Variants in NRG3 observed in about 807,000 individuals in gnomAD.
NRG3 encodes neuregulin 3, also known as pro-neuregulin-3, membrane-bound isoform.
Under a neutral mutation model 66.9 loss-of-function variants are expected in NRG3, and 31 were observed. The ratio of observed to expected loss-of-function variants is 0.46; its 90% CI spans 0.35 to 0.63. NRG3 has a LOEUF of 0.63. Ranked by LOEUF, NRG3 falls within the 20% of genes least tolerant of loss-of-function variation. The pLI is 0.00. For missense variants in NRG3, 910 were observed against 878.9 expected (o/e 1.04, Z -0.45); for synonymous variants, 393 against 359.4 (o/e 1.09, Z -1.06).
chr10:82,296,783 T>A (rs2080088787), intron 1 of NRG3, among the ~76,000 whole-genome samples: 1 of 152,308 alleles, frequency 6.6e-6, no homozygotes, highest in South Asian at 2.1e-4. Context: ...TATGTATTTT[T>A]TTTTTTTAGA....
At chr10:82,445,797 C>T (rs892758390) in intron 2 of NRG3, among the ~76,000 whole-genome samples, 1 of 152,252 alleles carries the variant, frequency 6.6e-6, no homozygotes, top group East Asian at 1.9e-4. Context: ...ATTTCATTCT[C>T]CAGAAGGCCA....
At chr10:82,909,129 A>G (rs1845070337) in intron 4 of NRG3, among the ~76,000 whole-genome samples, 1 of 152,252 alleles carries the variant, frequency 6.6e-6, no homozygotes, top group African/African-American at 2.4e-5. Context: ...ACAGATGGCC[A>G]GAAACCATGC....
At chr10:82,721,747 A>G (rs531723835) in intron 2 of NRG3, among the ~76,000 whole-genome samples, 1 of 152,256 alleles carries the variant, frequency 6.6e-6, no homozygotes, top group South Asian at 2.1e-4. Context: ...TAAAAGGTCA[A>G]CAATTTTATG....
At position 81,875,203 on chromosome 10, in the gene NRG3, TGCGGCCGCC is replaced by T. The variant is rs1300139403; in HGVS notation, c.-129_-121del. 3.7e-5 allele frequency: 11 copies of T among 300,742 alleles called. No homozygotes were observed. The highest frequency in any genetic ancestry group is 1.3e-4 in the South Asian group (1 of 7,686). The allele number at this position is 300,742 out of a possible 1,614,324, so 18.6% of individuals were successfully genotyped here. A position where few individuals can be genotyped will look rare whatever the true frequency, so the allele number is the denominator to read the frequency against. On this transcript the variant is annotated 5_prime_UTR_variant, in exon 1 of 9. Coordinates refer to ENST00000372141, the MANE Select transcript of NRG3 (RefSeq NM_001010848.4). This position sits in a 1 kb window ranked among gnomAD's most constrained non-coding sequence, Gnocchi z 5.3. ...CGTGGGGGCAGGGAGCGGATTTGCA[TGCGGCCGCC>T]GCGGCCGCTGCCTGCGCCCGAGCCC... is the stretch of plus-strand genomic sequence containing the variant.
chr10:82,198,792 T>A (rs1412520128), intron 1 of NRG3, among the ~76,000 whole-genome samples: 1 of 151,956 alleles, frequency 6.6e-6, no homozygotes, highest in Non-Finnish European at 1.5e-5. Flanking sequence ...AGGTCAGAAG[T>A]TCGAGACCAG....
Position 81,969,399 on chromosome 10 carries a change from C to T in NRG3, c.823+93236C>T, listed in dbSNP as rs190236779. On this transcript the variant is annotated intron_variant, in intron 1 of 8. Coordinates refer to ENST00000372141, the MANE Select transcript of NRG3 (RefSeq NM_001010848.4). ...AAATCAATAGGTCCCCTGTGCCTTC[C>T]GGCACACTCACACACTGACACAACC... 4.4e-3 allele frequency among the ~76,000 whole-genome samples: 668 copies of T among 152,322 alleles called. 4 individuals carry two copies. The highest frequency in any genetic ancestry group is 0.015 in the African/African-American group (629 of 41,576).
intron 2 of NRG3, among the ~76,000 whole-genome samples, chr10:82,563,456 T>A (rs1314154730): frequency 6.6e-6 from 1 of 152,084 alleles, no homozygotes; most frequent in Non-Finnish European, 1.5e-5. Flanking sequence ...ATATGGCTAT[T>A]TCTACCTCTG....
intron 2 of NRG3, among the ~76,000 whole-genome samples, chr10:82,463,004 T>C (rs1564950350): frequency 6.6e-6 from 1 of 152,214 alleles, no homozygotes; most frequent in Non-Finnish European, 1.5e-5. Context: ...CTTCATTATC[T>C]GTCCACCTAC....
intron 3 of NRG3, among the ~76,000 whole-genome samples, chr10:82,786,240 T>G (rs1372624444): frequency 1.3e-5 from 2 of 152,088 alleles, no homozygotes; most frequent in Non-Finnish European, 2.9e-5. Flanking sequence ...CTCTAACCCA[T>G]TAGTGCTGCT....
At chr10:82,629,959 G>A (rs2049701246) in intron 2 of NRG3, among the ~76,000 whole-genome samples, 1 of 152,118 alleles carries the variant, frequency 6.6e-6, no homozygotes, top group Non-Finnish European at 1.5e-5. Context: ...TCCCAATGAA[G>A]ATGTGATTTT....
intron 1 of NRG3, among the ~76,000 whole-genome samples, chr10:82,080,098 G>T (rs1448893602): frequency 6.6e-6 from 1 of 152,144 alleles, no homozygotes; most frequent in Non-Finnish European, 1.5e-5. Context: ...TTGAAGAATG[G>T]CATGGACTTT....
At chr10:82,258,547 C>G (rs1343889118) in intron 1 of NRG3, among the ~76,000 whole-genome samples, 1 of 152,062 alleles carries the variant, frequency 6.6e-6, no homozygotes, top group Admixed American at 6.6e-5. Flanking sequence ...GCACAAAGGC[C>G]GTAGTGCAGC....
At chr10:82,073,583 T>C (rs2064925643) in intron 1 of NRG3, among the ~76,000 whole-genome samples, 1 of 152,180 alleles carries the variant, frequency 6.6e-6, no homozygotes, top group Non-Finnish European at 1.5e-5. Context: ...TATTAGATCA[T>C]ATAGGGAATG....
chr10:81,879,615 A>G (rs1422276507), intron 1 of NRG3, among the ~76,000 whole-genome samples: 1 of 152,250 alleles, frequency 6.6e-6, no homozygotes, highest in Non-Finnish European at 1.5e-5. Context: ...TATAATGAAC[A>G]TCACAAATAT....
intron 2 of NRG3, among the ~76,000 whole-genome samples, chr10:82,463,497 C>T (rs545283589): frequency 6.6e-6 from 1 of 152,266 alleles, no homozygotes; most frequent in Admixed American, 6.5e-5. Context: ...TATTTAGAAG[C>T]CATGACATGA....
chr10:82,311,183 C>T (rs1441877753), intron 1 of NRG3, among the ~76,000 whole-genome samples: 2 of 152,180 alleles, frequency 1.3e-5, no homozygotes, highest in African/African-American at 2.4e-5. Context: ...AGGTATTACT[C>T]TCTGAGTTGC....
At chr10:82,843,547 A>G (rs10885403) in intron 3 of NRG3, among the ~76,000 whole-genome samples, 40,072 of 152,138 alleles carry the variant, frequency 0.26, 5,831 homozygotes, top group East Asian at 0.5. Flanking sequence ...CATAAAATCA[A>G]TAATAAATAC....
At chr10:82,076,774 A>G (rs998483002) in intron 1 of NRG3, among the ~76,000 whole-genome samples, 2 of 152,228 alleles carry the variant, frequency 1.3e-5, no homozygotes, top group African/African-American at 4.8e-5. Flanking sequence ...CATGAGAAGC[A>G]GACGCTGACA....
At chr10:82,252,792 G>A (rs2077545793) in intron 1 of NRG3, among the ~76,000 whole-genome samples, 1 of 152,138 alleles carries the variant, frequency 6.6e-6, no homozygotes, top group Non-Finnish European at 1.5e-5. Context: ...TCTTAAAATA[G>A]TGGGTACAGA....
Sources: allele counts gnomAD v4.1 joint callset (sites outside exome capture counted in the v4.1 genomes callset), GRCh38; gene constraint gnomAD v4.1.1; non-coding constraint Gnocchi (gnomAD v3.1); transcripts MANE v1.5; gene names NCBI Gene and HGNC (gene_info 2026-07-23, HGNC 2026-07-21).